OTUD5: variants seen among roughly 807,000 people sequenced by gnomAD.
OTUD5 encodes the protein OTU deubiquitinase 5.
In OTUD5, 2 loss-of-function variants were observed where a neutral mutation model predicts 36.3. The ratio of observed to expected loss-of-function variants is 0.06; its 90% CI spans 0.02 to 0.17. The LOEUF (loss-of-function observed/expected upper bound fraction) is 0.17, where lower values mean the gene tolerates loss of function less well. Ranked by LOEUF, OTUD5 falls within the 10% of genes least tolerant of loss-of-function variation. The pLI is 1.00. For synonymous variants in OTUD5, 234 were observed against 214.9 expected (o/e 1.09, Z -0.78); for missense variants, 233 against 512.3 (o/e 0.45, Z 5.26).
chrX:48,923,164 T>G lies in OTUD5; in HGVS notation c.*10A>C, dbSNP rs782793481. 11 of 1,210,007 alleles carry G rather than the reference T, an allele frequency of 9.1e-6. No individual in the cohort carries two copies. In the South Asian group the frequency reaches 1.9e-4, roughly 21 times the overall value. On this transcript the variant is annotated 3_prime_UTR_variant, in exon 9 of 9. Coordinates refer to ENST00000376488, the MANE Select transcript of OTUD5 (RefSeq NM_001136157.2). ...GGGTTGGGAGATGGTGTCCAATCCCTGGGTCTCCATCAACTCTTGTCTGGG... is the reference window on the plus strand; with the variant it reads ...GGGTTGGGAGATGGTGTCCAATCCCGGGGTCTCCATCAACTCTTGTCTGGG...
At chrX:48,924,075 G>A (rs1368726997) in intron 6 of OTUD5, 23 bp from the exon 7 acceptor site, 11 of 1,163,886 alleles carry the variant, frequency 9.5e-6, no homozygotes, top group Admixed American at 2.4e-5. Flanking sequence ...AGGTAAATGC[G>A]TTAAGGACCA....
intron 1 of OTUD5, among the ~76,000 whole-genome samples, chrX:48,954,587 G>A: frequency 9.0e-6 from 1 of 111,378 alleles, no homozygotes; most frequent in Non-Finnish European, 1.9e-5. Context: ...GGGAGGAAGG[G>A]ACCAAGAACA....
At chrX:48,940,123 G>A (rs1557050718) in intron 2 of OTUD5, 1 of 113,824 alleles carries the variant, frequency 8.8e-6, no homozygotes, top group Non-Finnish European at 1.9e-5. Flanking sequence ...CTGTCAAGCA[G>A]CTGTGGTGTG....
In OTUD5 at chrX:48,934,357, GGA is replaced by G. The variant is rs1341995577; in HGVS notation, c.1059+105_1059+106del. 3.1e-5 allele frequency: 19 copies of G among 608,507 alleles called. No homozygotes were observed. In the African/African-American group the frequency reaches 4.2e-4, roughly 14 times the overall value. The allele number at this position is 608,507 out of a possible 1,213,427, so 50.1% of individuals were successfully genotyped here. A position where few individuals can be genotyped will look rare whatever the true frequency, so the allele number is the denominator to read the frequency against. On this transcript the variant is annotated intron_variant, in intron 5 of 8. Transcript: ENST00000376488. ...TTTTTTGTAAGGGTGAGACCTCAGG[GGA>G]GAGAGGAGACAGGATATTTTTGTGA... is the stretch of plus-strand genomic sequence containing the variant.
At chrX:48,945,862 C>T (rs782030401) in intron 1 of OTUD5, among the ~76,000 whole-genome samples, 5 of 110,611 alleles carry the variant, frequency 4.5e-5, no homozygotes, top group Admixed American at 3.9e-4. Context: ...AAAATAATGA[C>T]CATATAACCT....
At chrX:48,926,281 TCTAACCC>T (rs2063664384) in intron 5 of OTUD5, among the ~76,000 whole-genome samples, 1 of 110,794 alleles carries the variant, frequency 9.0e-6, no homozygotes, top group Admixed American at 9.6e-5. Flanking sequence ...AAGACCTGAC[TCTAACCC>T]CCAAACCACC....
chrX:48,950,300 G>A (rs782492798), intron 1 of OTUD5, among the ~76,000 whole-genome samples: 1 of 110,850 alleles, frequency 9.0e-6, no homozygotes, highest in Non-Finnish European at 1.9e-5. Context: ...ATTTGATACA[G>A]ACAGAAAAGG....
rs781949594 is a variant in OTUD5, at chrX:48,942,345, G to C, written c.688+1845C>G. On this transcript the variant is annotated intron_variant, in intron 2 of 8. Transcript: ENST00000376488. ...ACACACACACACACACACGGCTCTT[G>C]ATATGAGTTACTACACAAGCCAGGT... is the stretch of plus-strand genomic sequence containing the variant. Among the ~76,000 whole-genome samples the C allele has an allele frequency of 1.6e-4, 14 of 84,960 alleles. No homozygotes were observed. In the South Asian group the frequency reaches 7.1e-3, roughly 43 times the overall value. 73.8% of individuals were successfully genotyped at this position (84,960 alleles called of 115,157 possible).
chrX:48,956,253 CCT>C (rs1557055208), intron 1 of OTUD5, among the ~76,000 whole-genome samples: 1 of 111,206 alleles, frequency 9.0e-6, no homozygotes, highest in African/African-American at 3.3e-5. Flanking sequence ...ATCATATCTC[CCT>C]GTGAAAAGTC....
At chrX:48,950,084 G>C (rs1241889523) in intron 1 of OTUD5, among the ~76,000 whole-genome samples, 1 of 105,527 alleles carries the variant, frequency 9.5e-6, no homozygotes, top group Non-Finnish European at 2.0e-5. Context: ...AGGAGGCGGA[G>C]GTTGCGGTGA....
chrX:48,942,227 C>G (rs181245412), intron 2 of OTUD5, among the ~76,000 whole-genome samples: 1 of 33,124 alleles, frequency 3.0e-5, no homozygotes, highest in Non-Finnish European at 6.7e-5. Flanking sequence ...GAACAGCTAG[C>G]TAGATACACA....
chrX:48,930,992 C>A (rs931523812), intron 5 of OTUD5, among the ~76,000 whole-genome samples: 2 of 109,771 alleles, frequency 1.8e-5, no homozygotes, highest in Non-Finnish European at 3.8e-5. Flanking sequence ...TATTGATGTA[C>A]GTAATAACTG....
chrX:48,934,418 T>C (rs1777910690), intron 5 of OTUD5, 46 bp downstream of exon 5: 14 of 1,141,887 alleles, frequency 1.2e-5, no homozygotes, highest in Non-Finnish European at 1.3e-5. Flanking sequence ...CAGAGGTTTC[T>C]GACCTCTATA....
In OTUD5 at chrX:48,944,242, G is replaced by A. The variant is rs782788304; in HGVS notation, c.636C>T (p.Gly212=). ...WFEKALRDKK[G]FIIKQMKEDG... is the part of the protein sequence containing the mutation. Reference sequence around the variant, plus strand: ...CCTCCTTCATCTGCTTGATGATGAAGCCCTTCTTGTCTCGTAGGGCCTTTT... The same window carrying A: ...CCTCCTTCATCTGCTTGATGATGAAACCCTTCTTGTCTCGTAGGGCCTTTT... Residue 212 remains glycine (G), a synonymous_variant, in exon 2 of 9, where the codon GGC becomes GGT. Transcript: ENST00000376488. 1 of 1,206,887 alleles carries A rather than the reference G, an allele frequency of 8.3e-7. No homozygotes were observed. Among genetic ancestry groups the A allele is most frequent in the East Asian group, 3.0e-5 (1 of 33,735 alleles).
intron 2 of OTUD5, among the ~76,000 whole-genome samples, chrX:48,937,944 C>T (rs1202832489): frequency 8.9e-6 from 1 of 112,086 alleles, no homozygotes; most frequent in Non-Finnish European, 1.9e-5. Context: ...GATGCATGTC[C>T]TCTCCTGGCT....
At chrX:48,951,814 G>C (rs1557054022) in intron 1 of OTUD5, among the ~76,000 whole-genome samples, 1 of 112,048 alleles carries the variant, frequency 8.9e-6, no homozygotes, top group African/African-American at 3.2e-5. Flanking sequence ...AGCACTTTGG[G>C]AGGCCAAGGC....
rs782197449 is a variant in OTUD5, at chrX:48,957,454, G to T, written c.117C>A (p.Gly39=). Residue 39 remains glycine, a synonymous_variant, in exon 1 of 9, where the codon GGC becomes GGA. Coordinates refer to ENST00000376488, the MANE Select transcript of OTUD5 (RefSeq NM_001136157.2). ...CGCCGCCCACGCCCGTGCCGCCGCCGCCCACGCCCACACCTCCGCCGCGCC... is the reference window on the plus strand; with the variant it reads ...CGCCGCCCACGCCCGTGCCGCCGCCTCCCACGCCCACACCTCCGCCGCGCC... ...APRRGGGVGV[G]GGGTGVGGGD... is the part of the protein sequence containing the mutation. The T allele has an allele frequency of 2.1e-6, 2 of 965,430 alleles. No homozygotes were observed. The highest frequency in any genetic ancestry group is 3.4e-5 in the South Asian group (1 of 29,576). The allele number at this position is 965,430 out of a possible 1,213,427, so 79.6% of individuals were successfully genotyped here.
At chrX:48,957,951 G>A (rs1158449229), upstream of OTUD5, 68 of 432,570 alleles carry the variant, frequency 1.6e-4, no homozygotes, top group Non-Finnish European at 1.9e-4. Flanking sequence ...GCACTACCGG[G>A]TGGGGCCCCG....
At chrX:48,946,721 G>A (rs959398809) in intron 1 of OTUD5, among the ~76,000 whole-genome samples, 7 of 112,452 alleles carry the variant, frequency 6.2e-5, no homozygotes, top group African/African-American at 2.3e-4. Flanking sequence ...CCAGAGTCAT[G>A]GGCCTGCCCC....
Sources: gnomAD v4.1 joint callset for allele counts (sites outside exome capture counted in the v4.1 genomes callset) on GRCh38, gnomAD v4.1.1 for gene constraint, MANE v1.5 for transcripts, NCBI Gene and HGNC (gene_info 2026-07-23, HGNC 2026-07-21) for gene names.